ELMO1: variants seen among roughly 807,000 people sequenced by gnomAD.
The protein encoded by ELMO1 is engulfment and cell motility 1.
Under a neutral mutation model 98.9 loss-of-function variants are expected in ELMO1, and 26 were observed. The ratio of observed to expected loss-of-function variants is 0.26; its 90% confidence interval spans 0.19 to 0.36. The LOEUF (loss-of-function observed/expected upper bound fraction) is 0.36, where lower values mean the gene tolerates loss of function less well. ELMO1 is among the 10% of genes least tolerant of loss of function. The pLI, the probability that ELMO1 is intolerant of heterozygous loss-of-function variation, is 1.00. For missense variants in ELMO1, 627 were observed against 935.2 expected (o/e 0.67, Z 4.30); for synonymous variants, 346 against 346.0 (o/e 1.00, Z 0.00).
chr7:37,231,077 C>T (rs1794147036), intron 8 of ELMO1, among the ~76,000 whole-genome samples: 1 of 152,176 alleles, frequency 6.6e-6, no homozygotes, highest in African/African-American at 2.4e-5. Flanking sequence ...TCTTCCTTTT[C>T]TGTGTGTTTT....
chr7:36,942,416 AATATAAAG>A (rs1433569857), intron 16 of ELMO1, among the ~76,000 whole-genome samples: 1 of 152,202 alleles, frequency 6.6e-6, no homozygotes, highest in Non-Finnish European at 1.5e-5. Context: ...TTAAAATAGA[AATATAAAG>A]TAATTACAAG....
intron 1 of ELMO1, among the ~76,000 whole-genome samples, chr7:37,392,107 A>G (rs1276940058): frequency 6.6e-6 from 1 of 152,236 alleles, no homozygotes; most frequent in Non-Finnish European, 1.5e-5. Context: ...GAAGTTAAAG[A>G]ACTCTAGAGA....
chr7:37,293,179 G>C (rs1797839536), intron 4 of ELMO1, among the ~76,000 whole-genome samples: 1 of 105,882 alleles, frequency 9.4e-6, no homozygotes, highest in African/African-American at 3.0e-5. Flanking sequence ...TGGGAAGTGA[G>C]GAGCCCCTCT....
chr7:37,340,657 G>A (rs1377444114), intron 2 of ELMO1, among the ~76,000 whole-genome samples: 2 of 152,164 alleles, frequency 1.3e-5, no homozygotes, highest in Non-Finnish European at 2.9e-5. Context: ...GGGGAAACTG[G>A]AAATAGGGTA....
chr7:37,123,434 A>G (rs891859049), intron 14 of ELMO1, among the ~76,000 whole-genome samples: 4 of 152,254 alleles, frequency 2.6e-5, no homozygotes, highest in African/African-American at 9.6e-5. Flanking sequence ...AATAGACGCA[A>G]TAAAAAATGA....
intron 16 of ELMO1, among the ~76,000 whole-genome samples, chr7:36,971,168 ACT>A (rs1310774722): frequency 2.6e-5 from 4 of 152,246 alleles, no homozygotes; most frequent in Non-Finnish European, 4.4e-5. Flanking sequence ...GTCTAGAAAC[ACT>A]GAGTTTCACC....
chr7:37,288,455 C>T (rs929515928), intron 4 of ELMO1, among the ~76,000 whole-genome samples: 1 of 152,194 alleles, frequency 6.6e-6, no homozygotes, highest in Non-Finnish European at 1.5e-5. Context: ...GAACTCTCCA[C>T]CTCAGGTGAT....
At chr7:37,100,369 A>T (rs528802894) in intron 14 of ELMO1, among the ~76,000 whole-genome samples, 1 of 152,244 alleles carries the variant, frequency 6.6e-6, no homozygotes, top group South Asian at 2.1e-4. Flanking sequence ...TCTCCTCTGA[A>T]TGCTCTGTGT....
intron 13 of ELMO1, among the ~76,000 whole-genome samples, chr7:37,184,179 G>T (rs889124264): frequency 6.6e-6 from 1 of 152,108 alleles, no homozygotes; most frequent in Non-Finnish European, 1.5e-5. Context: ...TATTATGAAT[G>T]TTAGGTGGTG....
intron 15 of ELMO1, among the ~76,000 whole-genome samples, chr7:37,055,691 C>T (rs916889145): frequency 9.2e-5 from 14 of 152,150 alleles, no homozygotes; most frequent in Admixed American, 2.0e-4. Context: ...CTAGGCAACA[C>T]ACATGCTCAC....
intron 11 of ELMO1, among the ~76,000 whole-genome samples, chr7:37,213,774 C>A (rs1035177316): frequency 5.9e-5 from 9 of 152,142 alleles, no homozygotes; most frequent in Admixed American, 5.9e-4. Flanking sequence ...GTCTCCAAGA[C>A]AACTGTGGAT....
chr7:37,302,929 G>GA (rs987327539), intron 4 of ELMO1, among the ~76,000 whole-genome samples: 4 of 152,152 alleles, frequency 2.6e-5, no homozygotes, highest in African/African-American at 7.2e-5. Context: ...GTCACCTCCA[G>GA]AAAAGAGTTG....
chr7:36,997,837 C>T (rs1792333590), intron 16 of ELMO1: 1 of 152,330 alleles, frequency 6.6e-6, no homozygotes. Flanking sequence ...CCAGGAAGCA[C>T]AGGAGGCAAC....
intron 16 of ELMO1, among the ~76,000 whole-genome samples, chr7:36,911,269 G>A (rs557042250): frequency 6.6e-6 from 1 of 152,050 alleles, no homozygotes; most frequent in Non-Finnish European, 1.5e-5. Flanking sequence ...CCCACCTAAA[G>A]AATAAAAAAT....
chr7:37,233,289 T>C (rs1794283003), intron 7 of ELMO1, 95 bp from the exon 8 acceptor site: 1 of 1,014,982 alleles, frequency 9.9e-7, no homozygotes, highest in Non-Finnish European at 1.4e-6. Flanking sequence ...ACAAGCAGAA[T>C]TTTAAAAGAT....
chr7:37,174,827 C>A (rs184983245), intron 13 of ELMO1, among the ~76,000 whole-genome samples: 27 of 152,270 alleles, frequency 1.8e-4, no homozygotes, highest in African/African-American at 6.3e-4. Flanking sequence ...GACACTGAGC[C>A]GTCACCTTTA....
chr7:36,887,648 T>G lies in ELMO1; in HGVS notation c.1626A>C (p.Pro542=), dbSNP rs1430033276. The change falls in exon 18 of 22, where the codon CCA becomes CCC. Residue 542 remains proline (P), a synonymous_variant. Transcript: ENST00000310758. ...GCTGTTTGATCAGCTCTAAGATTTC[T>G]GGCTGAATCTTCTCCTTTAGTTCCC... ...PILELKEKIQ[P]EILELIKQQR... 1.2e-6 allele frequency: 2 copies of G among 1,614,096 alleles called. No homozygotes were observed. Among genetic ancestry groups the G allele is most frequent in the Non-Finnish European group, 1.7e-6 (2 of 1,179,948 alleles).
chr7:37,026,851 A>C (rs1794609360), intron 15 of ELMO1, among the ~76,000 whole-genome samples: 1 of 152,102 alleles, frequency 6.6e-6, no homozygotes. Flanking sequence ...GAAAGTGGAG[A>C]GGCTGGCTTT....
At chr7:36,946,047 G>A (rs1787455164) in intron 16 of ELMO1, among the ~76,000 whole-genome samples, 1 of 152,212 alleles carries the variant, frequency 6.6e-6, no homozygotes, top group African/African-American at 2.4e-5. Flanking sequence ...CAGTCTGCAG[G>A]CACAGCAGAG....
Sources: allele counts gnomAD v4.1 joint callset (sites outside exome capture counted in the v4.1 genomes callset), GRCh38; gene constraint gnomAD v4.1.1; transcripts MANE v1.5; gene names NCBI Gene and HGNC (gene_info 2026-07-23, HGNC 2026-07-21).